SOS1: variants seen among roughly 807,000 people sequenced by gnomAD.
The protein encoded by SOS1 is SOS Ras/Rac guanine nucleotide exchange factor 1.
A neutral mutation model predicts 157.6 loss-of-function variants in SOS1; 25 were observed. The observed-to-expected ratio is 0.16, with a 90% CI of 0.12 to 0.22. SOS1 has a LOEUF of 0.22. Among genes scored for constraint, SOS1 ranks in the 10% least tolerant of loss-of-function variants. The pLI is 1.00. For synonymous variants in SOS1, 528 were observed against 534.0 expected (o/e 0.99, Z 0.16); for missense variants, 1,237 against 1,599.1 (o/e 0.77, Z 3.86).
chr2:39,091,907 T>C (rs575588511), intron 1 of SOS1, among the ~76,000 whole-genome samples: 1 of 152,314 alleles, frequency 6.6e-6, no homozygotes, highest in East Asian at 1.9e-4. Context: ...GGACACAACA[T>C]AGCCCAATTA....
chr2:39,027,933 C>A (rs1471010803), intron 8 of SOS1, among the ~76,000 whole-genome samples: 5 of 151,612 alleles, frequency 3.3e-5, no homozygotes, highest in African/African-American at 7.3e-5. Context: ...CAGGTTCAAG[C>A]GATTCTCCTA....
rs1299720840 is a variant in SOS1, at chr2:39,120,970, TGCCGCCGCGGCC to T, written c.-560_-549del. 1.7e-5 allele frequency: 3 copies of T among 174,230 alleles called. No individual in the cohort carries two copies. Among genetic ancestry groups the T allele is most frequent in the Non-Finnish European group, 3.5e-5 (3 of 85,438 alleles). 10.8% of individuals were successfully genotyped at this position (174,230 alleles called of 1,614,324 possible). On this transcript the variant is annotated 5_prime_UTR_variant, in exon 1 of 23. Transcript: ENST00000402219. ...GTTGGGGAATCTGGCTGCCCTGAGG[TGCCGCCGCGGCC>T]GCCGCCGCCACCGCCGCCGCCGGTG...
At chr2:39,069,831 A>G (rs535480679) in intron 1 of SOS1, among the ~76,000 whole-genome samples, 7 of 152,372 alleles carry the variant, frequency 4.6e-5, no homozygotes, top group South Asian at 2.1e-4. Flanking sequence ...TACAGGCATG[A>G]GCCACTGTGC....
intron 1 of SOS1, among the ~76,000 whole-genome samples, chr2:39,114,482 T>C (rs1416736241): frequency 6.6e-6 from 1 of 152,054 alleles, no homozygotes; most frequent in Non-Finnish European, 1.5e-5. Context: ...TTTGTATTTT[T>C]AGTAGAGATG....
intron 1 of SOS1, among the ~76,000 whole-genome samples, chr2:39,104,292 A>C (rs1673083287): frequency 6.6e-6 from 1 of 152,160 alleles, no homozygotes; most frequent in Non-Finnish European, 1.5e-5. Flanking sequence ...CAAATAAATA[A>C]ATAAATAACT....
At chr2:39,051,015 G>C (rs960624798) in intron 6 of SOS1, 129 bp downstream of exon 6, 1 of 841,392 alleles carries the variant, frequency 1.2e-6, no homozygotes, top group Non-Finnish European at 2.0e-6. Context: ...CTATGAAAAA[G>C]GAGCAATAAC....
intron 2 of SOS1, among the ~76,000 whole-genome samples, chr2:39,066,250 T>A (rs1184984427): frequency 6.6e-6 from 1 of 152,164 alleles, no homozygotes; most frequent in Non-Finnish European, 1.5e-5. Flanking sequence ...TTTTTACAAT[T>A]CCCTTGCCCT....
intron 1 of SOS1, among the ~76,000 whole-genome samples, chr2:39,116,710 A>C (rs1311737191): frequency 5.9e-5 from 9 of 152,052 alleles, no homozygotes; most frequent in Admixed American, 2.0e-4. Flanking sequence ...AAAATACAAA[A>C]ATTATCTGGA....
chr2:38,988,837 T>A (rs1005156143), intron 21 of SOS1, among the ~76,000 whole-genome samples: 1 of 151,970 alleles, frequency 6.6e-6, no homozygotes, highest in Non-Finnish European at 1.5e-5. Flanking sequence ...TCTTCTAAAG[T>A]CAAAAGCAGT....
intron 1 of SOS1, among the ~76,000 whole-genome samples, chr2:39,107,663 G>GAAA (rs11464462): frequency 2.5e-4 from 24 of 96,302 alleles, no homozygotes; most frequent in African/African-American, 7.5e-4. Context: ...ACACTAAAAA[G>GAAA]AAAAAAAAAA....
At chr2:39,065,191 G>C (rs1279774979) in intron 2 of SOS1, among the ~76,000 whole-genome samples, 1 of 152,088 alleles carries the variant, frequency 6.6e-6, no homozygotes, top group Non-Finnish European at 1.5e-5. Context: ...GTGTATTAAA[G>C]AAATACCGAA....
intron 3 of SOS1, among the ~76,000 whole-genome samples, chr2:39,057,807 G>C (rs926394085): frequency 6.6e-6 from 1 of 151,996 alleles, no homozygotes; most frequent in Non-Finnish European, 1.5e-5. Flanking sequence ...TCTATTCAAA[G>C]AACTGAATGC....
chr2:39,096,668 G>A (rs890150525), intron 1 of SOS1, among the ~76,000 whole-genome samples: 4 of 152,100 alleles, frequency 2.6e-5, no homozygotes, highest in Non-Finnish European at 5.9e-5. Context: ...GGCGGATCAC[G>A]AGGTCAGGAG....
chr2:39,026,395 A>C (rs1454070208), intron 8 of SOS1, among the ~76,000 whole-genome samples: 1 of 151,970 alleles, frequency 6.6e-6, no homozygotes, highest in East Asian at 1.9e-4. Context: ...TATTCCTAAC[A>C]ATTCTCAACA....
At chr2:39,106,329 G>A (rs181012208) in intron 1 of SOS1, among the ~76,000 whole-genome samples, 37 of 151,904 alleles carry the variant, frequency 2.4e-4, no homozygotes, top group Non-Finnish European at 3.8e-4. Flanking sequence ...GGTGGCTCAC[G>A]CCTGTAATCC....
At chr2:39,033,118 T>C (rs1416541068) in intron 8 of SOS1, among the ~76,000 whole-genome samples, 1 of 148,638 alleles carries the variant, frequency 6.7e-6, no homozygotes, top group Non-Finnish European at 1.5e-5. Flanking sequence ...TTGCCCAGGC[T>C]GAAGTGCAAT....
intron 8 of SOS1, 80 bp from the exon 9 acceptor site, chr2:39,024,217 T>G: frequency 9.1e-7 from 1 of 1,095,078 alleles, no homozygotes; most frequent in Non-Finnish European, 1.3e-6. Context: ...AGGATAAAAA[T>G]AACATTTATT....
intron 4 of SOS1, 102 bp downstream of exon 4, chr2:39,056,600 C>T (rs1452554831): frequency 1.3e-6 from 1 of 792,408 alleles, no homozygotes; most frequent in Non-Finnish European, 2.2e-6. Flanking sequence ...GGAGATATTC[C>T]CCAACACATA....
At chr2:39,025,590 C>A (rs1399258291) in intron 8 of SOS1, among the ~76,000 whole-genome samples, 1 of 151,960 alleles carries the variant, frequency 6.6e-6, no homozygotes, top group Non-Finnish European at 1.5e-5. Context: ...AAACTCCTGA[C>A]CTCAAGTGAT....
Sources: allele counts gnomAD v4.1 joint callset (sites outside exome capture counted in the v4.1 genomes callset), GRCh38; gene constraint gnomAD v4.1.1; transcripts MANE v1.5; gene names NCBI Gene and HGNC (gene_info 2026-07-23, HGNC 2026-07-21).